PES1: variants seen among roughly 807,000 people sequenced by gnomAD.
The protein encoded by PES1 is pescadillo ribosomal biogenesis factor 1.
Under a neutral mutation model 77.1 loss-of-function variants are expected in PES1, and 31 were observed. The ratio of observed to expected loss-of-function variants is 0.40; its 90% CI spans 0.30 to 0.54. The LOEUF (loss-of-function observed/expected upper bound fraction) is 0.54, where lower values mean the gene tolerates loss of function less well. Among genes scored for constraint, PES1 ranks in the 20% least tolerant of loss-of-function variants. The pLI is 0.45. For synonymous variants in PES1, 282 were observed against 303.0 expected (o/e 0.93, Z 0.72); for missense variants, 658 against 771.7 (o/e 0.85, Z 1.75).
In PES1 at chr22:30,591,869, A is replaced by G. The variant is rs889345755; in HGVS notation, c.-36T>C. The stretch of plus-strand genomic sequence containing the variant: ...TGAGGAGCCGACTAGGGCCGCGCGT[A>G]CAGGGAGCTCCACTTCCTCCCGCAC... On this transcript the variant is annotated 5_prime_UTR_variant, in exon 1 of 15. Coordinates refer to ENST00000354694, the MANE Select transcript of PES1 (RefSeq NM_014303.4). The G allele has an allele frequency of 6.5e-6, 10 of 1,543,912 alleles. No homozygotes were observed. The highest frequency in any genetic ancestry group is 8.7e-6 in the Non-Finnish European group (10 of 1,145,518).
chr22:30,577,675 G>T (rs2086922901), intron 14 of PES1, among the ~76,000 whole-genome samples: 2 of 151,578 alleles, frequency 1.3e-5, no homozygotes, highest in Admixed American at 1.3e-4. Flanking sequence ...TTTTTTTGGG[G>T]GGTAGAGACA....
At chr22:30,596,561 C>G (rs1238120178), upstream of PES1, among the ~76,000 whole-genome samples, 2 of 151,060 alleles carry the variant, frequency 1.3e-5, no homozygotes, top group Non-Finnish European at 2.9e-5. Flanking sequence ...TTTTGGTTCA[C>G]AGCCTCCATT....
intron 2 of PES1, chr22:30,604,044 G>A (rs772355242): frequency 6.6e-6 from 1 of 152,234 alleles, no homozygotes; most frequent in Non-Finnish European, 1.5e-5. Flanking sequence ...GGCTGTGTAT[G>A]AAGGGTCCGC....
At chr22:30,599,145 C>G (rs1009096287) in intron 2 of PES1, among the ~76,000 whole-genome samples, 3 of 151,934 alleles carry the variant, frequency 2.0e-5, no homozygotes, top group African/African-American at 7.2e-5. Context: ...GATCCACTTG[C>G]CTCAGCATCC....
chr22:30,598,659 C>T (rs940072994), intron 2 of PES1, among the ~76,000 whole-genome samples: 4 of 151,924 alleles, frequency 2.6e-5, no homozygotes, highest in African/African-American at 9.7e-5. Context: ...GAACTCCTTA[C>T]CTTAAGTGAC....
chr22:30,587,953 G>A, intron 3 of PES1, 68 bp downstream of exon 3: 1 of 1,525,374 alleles, frequency 6.6e-7, no homozygotes, highest in Non-Finnish European at 9.1e-7. Flanking sequence ...TCTGCCCAAG[G>A]TCACAGTTAG....
intron 2 of PES1, chr22:30,605,434 C>T (rs1397132618): frequency 1.0e-6 from 1 of 985,112 alleles, no homozygotes; most frequent in African/African-American, 1.7e-5. Flanking sequence ...AGAAGTGACT[C>T]TCTGGAAGGA....
chr22:30,583,174 G>A (rs1269563377), intron 6 of PES1, among the ~76,000 whole-genome samples: 1 of 152,190 alleles, frequency 6.6e-6, no homozygotes, highest in Non-Finnish European at 1.5e-5. Context: ...GAAGGAGGAG[G>A]AGAGGAGGGC....
chr22:30,584,571 A>G lies in PES1; in HGVS notation c.515T>C (p.Ile172Thr). 1 of 1,612,422 alleles carries G rather than the reference A, an allele frequency of 6.2e-7. No homozygotes were observed. Among genetic ancestry groups the G allele is most frequent in the Non-Finnish European group, 8.5e-7 (1 of 1,179,270 alleles). The change falls in exon 5 of 15, where the codon ATT becomes ACT. Residue 172 changes from isoleucine (I) to threonine (T), a missense_variant. Transcript: ENST00000354694. Reference protein sequence around the residue: ...RRLTVEFMHYIIAARALRKVF... With the variant: ...RRLTVEFMHYTIAARALRKVF... ...CTTGCGCAGGGCACGGGCAGCGATA[A>G]TGTAGTGCATGAACTCCACAGTGAG... is the stretch of plus-strand genomic sequence containing the variant.
intron 2 of PES1, among the ~76,000 whole-genome samples, chr22:30,598,566 T>C (rs1022027754): frequency 2.6e-5 from 4 of 152,188 alleles, no homozygotes; most frequent in Non-Finnish European, 4.4e-5. Context: ...GTAGCTGGGA[T>C]TAAAGGTGTT....
upstream of PES1, among the ~76,000 whole-genome samples, chr22:30,596,678 C>G (rs1470215370): frequency 6.6e-6 from 1 of 152,212 alleles, no homozygotes; most frequent in Non-Finnish European, 1.5e-5. Flanking sequence ...CTCTGTAGTA[C>G]TGAGAGATGA....
At chr22:30,600,165 T>A (rs1475701125) in intron 2 of PES1, among the ~76,000 whole-genome samples, 2 of 151,768 alleles carry the variant, frequency 1.3e-5, no homozygotes, top group Non-Finnish European at 2.9e-5. Context: ...AAACCCCATC[T>A]CTACTAAAAC....
At position 30,580,083 on chromosome 22, in the gene PES1, C is replaced by T. The variant is rs202135025; in HGVS notation, c.1139G>A (p.Arg380Gln). 5 of 1,614,138 alleles carry T rather than the reference C, an allele frequency of 3.1e-6. No homozygotes were observed. The highest frequency in any genetic ancestry group is 1.1e-5 in the South Asian group (1 of 91,086). The change falls in exon 11 of 15, where the codon CGG becomes CAG. Residue 380 changes from arginine (R) to glutamine (Q), a missense_variant. Physicochemically the swap from Arg to Gln is conservative, Grantham distance 43. Coordinates refer to ENST00000354694, the MANE Select transcript of PES1 (RefSeq NM_014303.4). Reference sequence around the variant, plus strand: ...AATGACTGAGGTCTGCTGCCCAGGCCGGTCGACAATCTGATGGGTGATGCG... The same window carrying T: ...AATGACTGAGGTCTGCTGCCCAGGCTGGTCGACAATCTGATGGGTGATGCG... ...DSRITHQIVDRPGQQTSVIGR... is the reference protein window; with the variant it reads ...DSRITHQIVDQPGQQTSVIGR...
At chr22:30,605,325 TC>T in intron 2 of PES1, 1 of 264,052 alleles carries the variant, frequency 3.8e-6, no homozygotes, top group Non-Finnish European at 5.9e-6. Flanking sequence ...TATGCTGTCT[TC>T]CTATTCCTAC....
chr22:30,576,933 G>C lies in PES1; in HGVS notation c.*113C>G. 1.1e-6 allele frequency: 1 copy of C among 897,178 alleles called. No individual in the cohort carries two copies. The highest frequency in any genetic ancestry group is 1.8e-6 in the Non-Finnish European group (1 of 542,582). 55.6% of individuals were successfully genotyped at this position (897,178 alleles called of 1,614,324 possible). A position where few individuals can be genotyped will look rare whatever the true frequency, so the allele number is the denominator to read the frequency against. ...GAGCATGAGGGGTCAGGGCTGGCTG[G>C]AGAAAGGAGGAGGAGAAGTGACTCT... On this transcript the variant is annotated 3_prime_UTR_variant, in exon 15 of 15. Transcript: ENST00000354694.
At chr22:30,585,571 C>T (rs544370484) in intron 4 of PES1, among the ~76,000 whole-genome samples, 59 of 152,190 alleles carry the variant, frequency 3.9e-4, no homozygotes, top group African/African-American at 1.2e-3. Flanking sequence ...CTGCCAGAGA[C>T]GCTGGCATCC....
intron 9 of PES1, 49 bp downstream of exon 9, chr22:30,580,963 C>T (rs1381035588): frequency 3.3e-6 from 5 of 1,512,226 alleles, no homozygotes; most frequent in Non-Finnish European, 2.7e-6. Flanking sequence ...GGGAAACCCC[C>T]CACACGACCC....
chr22:30,597,661 G>T lies in PES1; in HGVS notation c.-660-5263C>A, dbSNP rs185526140. Among the ~76,000 whole-genome samples the T allele has an allele frequency of 2.6e-3, 395 of 151,384 alleles. 1 individual carries two copies. The highest frequency in any genetic ancestry group is 9.0e-3 in the African/African-American group (371 of 41,226). On this transcript the variant is annotated intron_variant, in intron 2 of 16. Transcript: ENST00000402281. Reference sequence around the variant, plus strand: ...ACTCTGTATCTAGCTAATCTAGTGGGGTCCTGGAGAACTTTTGTGTCTAGC... The same window carrying T: ...ACTCTGTATCTAGCTAATCTAGTGGTGTCCTGGAGAACTTTTGTGTCTAGC...
intron 2 of PES1, among the ~76,000 whole-genome samples, chr22:30,604,582 A>G (rs920431409): frequency 2.0e-5 from 3 of 152,008 alleles, no homozygotes; most frequent in Non-Finnish European, 4.4e-5. Flanking sequence ...GTGAGCCGAG[A>G]TCATGCCATT....
Sources: gnomAD v4.1 joint callset for allele counts (sites outside exome capture counted in the v4.1 genomes callset) on GRCh38, gnomAD v4.1.1 for gene constraint, MANE v1.5 for transcripts, NCBI Gene and HGNC (gene_info 2026-07-23, HGNC 2026-07-21) for gene names.